Variants in LRRC4C observed in about 807,000 individuals in gnomAD.
LRRC4C encodes leucine-rich repeat-containing protein 4C.
In LRRC4C, 5 loss-of-function variants were observed where a neutral mutation model predicts 33.6. That is an observed-to-expected ratio of 0.15 (90% confidence interval 0.08 to 0.31). The LOEUF (loss-of-function observed/expected upper bound fraction) is 0.31. LRRC4C is among the 10% of genes least tolerant of loss of function. LRRC4C has a pLI of 1.00. For missense variants in LRRC4C, 560 were observed against 796.7 expected (o/e 0.70, Z 3.58); for synonymous variants, 329 against 302.0 (o/e 1.09, Z -0.93).
chr11:41,192,418 CACACACAT>C (rs1325418997), intron 1 of LRRC4C, among the ~76,000 whole-genome samples: 2 of 151,468 alleles, frequency 1.3e-5, no homozygotes, highest in Admixed American at 1.3e-4. Context: ...CACACACACA[CACACACAT>C]ATATATACAT....
chr11:40,816,541 A>T (rs1842803753), intron 2 of LRRC4C, among the ~76,000 whole-genome samples: 2 of 152,172 alleles, frequency 1.3e-5, no homozygotes, highest in South Asian at 4.1e-4. Context: ...TCACACCTTG[A>T]TTCATTTATA....
intron 1 of LRRC4C, among the ~76,000 whole-genome samples, chr11:41,177,213 G>T (rs753210478): frequency 6.6e-6 from 1 of 152,160 alleles, no homozygotes; most frequent in Admixed American, 6.5e-5. Flanking sequence ...GGATAAGAGA[G>T]ACTGAAGACT....
At chr11:41,315,951 C>T (rs1591246473) in intron 1 of LRRC4C, among the ~76,000 whole-genome samples, 4 of 152,004 alleles carry the variant, frequency 2.6e-5, no homozygotes, top group East Asian at 3.9e-4. Flanking sequence ...TTAATACAAA[C>T]GTTAATTTGC....
rs137855893 is a variant in LRRC4C at position 40,150,672 on chromosome 11, G to A, written c.-95-9819C>T. ...TTGTCCAGGCTGTTCTCAAACCCCT[G>A]AGGCTCAAGAAATCCTCTTGCCTCA... On this transcript the variant is annotated intron_variant, in intron 5 of 6. Transcript: ENST00000528697. Among the ~76,000 whole-genome samples, 71 of 152,150 alleles carry A rather than the reference G, an allele frequency of 4.7e-4. 2 individuals carry two copies. The East Asian group carries it at 0.014, about 29-fold the overall frequency.
At chr11:40,366,415 G>C (rs569963835) in intron 3 of LRRC4C, among the ~76,000 whole-genome samples, 4 of 152,178 alleles carry the variant, frequency 2.6e-5, no homozygotes, top group Non-Finnish European at 5.9e-5. Context: ...TAAAGAAGTT[G>C]AGGTTCAGAA....
intron 3 of LRRC4C, among the ~76,000 whole-genome samples, chr11:40,589,334 A>G (rs201287221): frequency 0.13 from 19,438 of 151,686 alleles, 1,376 homozygotes; most frequent in Middle Eastern, 0.2. Flanking sequence ...TGCTTGGTAG[A>G]TCTTCCTCCA....
intron 2 of LRRC4C, among the ~76,000 whole-genome samples, chr11:40,789,466 A>T (rs1039441530): frequency 3.9e-5 from 6 of 152,112 alleles, no homozygotes; most frequent in Non-Finnish European, 8.8e-5. Flanking sequence ...ATTATAACTT[A>T]ACTTTAATAA....
chr11:40,364,353 T>C (rs1948111195), intron 3 of LRRC4C, among the ~76,000 whole-genome samples: 1 of 152,016 alleles, frequency 6.6e-6, no homozygotes, highest in African/African-American at 2.4e-5. Context: ...AGAAAGCCAA[T>C]GAAAAGCATA....
chr11:40,582,468 G>A (rs1958510457), intron 3 of LRRC4C, among the ~76,000 whole-genome samples: 4 of 150,432 alleles, frequency 2.7e-5, no homozygotes, highest in Admixed American at 2.7e-4. Context: ...ATTAGTTAAG[G>A]AGCTGAACTT....
chr11:40,357,084 T>A (rs942908982), intron 3 of LRRC4C, among the ~76,000 whole-genome samples: 1 of 152,164 alleles, frequency 6.6e-6, no homozygotes, highest in South Asian at 2.1e-4. Flanking sequence ...AAATTTTGTA[T>A]CATATTATGC....
intron 1 of LRRC4C, among the ~76,000 whole-genome samples, chr11:41,333,879 G>A (rs1951371186): frequency 6.6e-6 from 1 of 152,128 alleles, no homozygotes; most frequent in Non-Finnish European, 1.5e-5. Flanking sequence ...CAATAAGCAA[G>A]CAGAGAAACA....
intron 2 of LRRC4C, among the ~76,000 whole-genome samples, chr11:40,848,068 G>T (rs1262539378): frequency 9.8e-6 from 1 of 101,858 alleles, no homozygotes; most frequent in African/African-American, 2.6e-5. Flanking sequence ...ATTCTGGCTA[G>T]TGGTCTATCT....
At chr11:41,181,728 C>T (rs1196955767) in intron 1 of LRRC4C, among the ~76,000 whole-genome samples, 3 of 152,200 alleles carry the variant, frequency 2.0e-5, no homozygotes, top group Non-Finnish European at 1.5e-5. Context: ...GCAATCTCAT[C>T]TCTTTTCTAG....
intron 2 of LRRC4C, among the ~76,000 whole-genome samples, chr11:40,754,772 T>C (rs987569148): frequency 4.6e-5 from 7 of 152,176 alleles, no homozygotes; most frequent in Non-Finnish European, 1.0e-4. Flanking sequence ...ATTTTACTTT[T>C]TTTTTACTAA....
Position 40,291,219 on chromosome 11 carries a change from T to C in LRRC4C, c.-176+28409A>G, listed in dbSNP as rs1944171450. The stretch of plus-strand genomic sequence containing the variant: ...GCCAGCTCCATGACTTTGGCAGCTA[T>C]AGGGGAGGAGGGAAGGTGATCCTAC... On this transcript the variant is annotated intron_variant, in intron 4 of 6. Coordinates refer to ENST00000528697, the MANE Select transcript of LRRC4C (RefSeq NM_001258419.2). 2.0e-5 allele frequency among the ~76,000 whole-genome samples: 3 copies of C among 152,082 alleles called. No homozygotes were observed. In the South Asian group the frequency reaches 6.2e-4, roughly 32 times the overall value.
intron 2 of LRRC4C, among the ~76,000 whole-genome samples, chr11:40,843,692 A>C (rs187831959): frequency 6.6e-6 from 1 of 152,210 alleles, no homozygotes; most frequent in Non-Finnish European, 1.5e-5. Context: ...TAAACCATTT[A>C]TTCCATAATA....
chr11:40,208,209 C>T (rs756584021), intron 5 of LRRC4C, among the ~76,000 whole-genome samples: 4 of 152,024 alleles, frequency 2.6e-5, no homozygotes, highest in Admixed American at 6.6e-5. Flanking sequence ...ATCAAGCAGA[C>T]GCTATACCAG....
intron 2 of LRRC4C, among the ~76,000 whole-genome samples, chr11:40,708,436 G>T (rs1198447642): frequency 6.6e-6 from 1 of 152,154 alleles, no homozygotes; most frequent in Non-Finnish European, 1.5e-5. Context: ...TGGTTTCAAA[G>T]AACATCTTTA....
intron 5 of LRRC4C, among the ~76,000 whole-genome samples, chr11:40,215,930 A>G (rs555786017): frequency 1.3e-5 from 2 of 152,308 alleles, no homozygotes; most frequent in East Asian, 3.9e-4. Context: ...AAATTTGCAG[A>G]GCATTCAAGA....
Sources: gnomAD v4.1 joint callset for allele counts (sites outside exome capture counted in the v4.1 genomes callset) on GRCh38, gnomAD v4.1.1 for gene constraint, MANE v1.5 for transcripts, NCBI Gene and HGNC (gene_info 2026-07-23, HGNC 2026-07-21) for gene names.